GFM2: variants seen among roughly 807,000 people sequenced by gnomAD.
The protein encoded by GFM2 is GTP dependent ribosome recycling factor mitochondrial 2, also known as ribosome-releasing factor 2, mitochondrial.
A neutral mutation model predicts 95.4 loss-of-function variants in GFM2; 72 were observed. That is an observed-to-expected ratio of 0.76 (90% confidence interval 0.62 to 0.92). The LOEUF is 0.92. GFM2 is among the 40% of genes least tolerant of loss of function. GFM2 has a pLI of 0.00. For missense variants in GFM2, 825 were observed against 924.1 expected (o/e 0.89, Z 1.39); for synonymous variants, 276 against 317.5 (o/e 0.87, Z 1.39).
rs1750127574 is a variant in GFM2 at position 74,725,966 on chromosome 5, A to AT, written c.1886dup (p.Asn629LysfsTer54). 1.2e-6 allele frequency: 2 copies of AT among 1,611,100 alleles called. No homozygotes were observed. The highest frequency in any genetic ancestry group is 2.7e-5 in the African/African-American group (2 of 74,624). On this transcript the variant is annotated frameshift_variant, in exon 18 of 21. Coordinates refer to ENST00000296805, the MANE Select transcript of GFM2 (RefSeq NM_032380.5). LOFTEE classifies it high-confidence loss of function. Reference sequence around the variant, plus strand: ...CTTGGAGACATGCGCTGTGAATTCCATTTTCAATGGCCTCTTGGGAGACCT... The same window carrying AT: ...CTTGGAGACATGCGCTGTGAATTCCATTTTTCAATGGCCTCTTGGGAGACCT...
intron 11 of GFM2, among the ~76,000 whole-genome samples, chr5:74,740,370 T>C (rs183665601): frequency 5.4e-4 from 83 of 152,300 alleles, no homozygotes; most frequent in Non-Finnish European, 9.4e-4. Context: ...CCCCTGGAAA[T>C]ACTGCTAAAT....
chr5:74,722,722 G>T, intron 19 of GFM2, 161 bp from the exon 20 acceptor site: 1 of 567,322 alleles, frequency 1.8e-6, no homozygotes, highest in Non-Finnish European at 3.0e-6. Context: ...TGTATAATAA[G>T]CATGATAACA....
chr5:74,740,008 C>A lies in GFM2; in HGVS notation c.1060G>T (p.Glu354Ter). 6.4e-7 allele frequency: 1 copy of A among 1,564,548 alleles called. No homozygotes were observed. Among genetic ancestry groups the A allele is most frequent in the East Asian group, 2.3e-5 (1 of 42,948 alleles). The stretch of plus-strand genomic sequence containing the variant: ...ACTTACAGAAATTCATAGTTACGCT[C>A]TTCAGGTGAAGGTAAGTACATAGTA... ...AVTMYLPSPE[E>*]RNYEFLQWYK... Residue 354 changes from glutamate (E) to a stop codon, truncating the protein, a stop_gained, in exon 12 of 21, where the codon GAG becomes TAG. Coordinates refer to ENST00000296805, the MANE Select transcript of GFM2 (RefSeq NM_032380.5). LOFTEE classifies it high-confidence loss of function.
chr5:74,760,399 T>A (rs867990501), intron 3 of GFM2, among the ~76,000 whole-genome samples: 6 of 152,272 alleles, frequency 3.9e-5, no homozygotes, highest in Middle Eastern at 6.8e-3. Flanking sequence ...GAGTCTACCA[T>A]ACACTTGCTT....
intron 5 of GFM2, among the ~76,000 whole-genome samples, chr5:74,753,017 C>G (rs549153385): frequency 6.6e-6 from 1 of 152,046 alleles, no homozygotes. Context: ...TCCCCCCCAC[C>G]AAAAATCACA....
chr5:74,756,697 T>C (rs1303026501), intron 5 of GFM2, among the ~76,000 whole-genome samples: 1 of 151,876 alleles, frequency 6.6e-6, no homozygotes, highest in Admixed American at 6.6e-5. Flanking sequence ...ATACACACCA[T>C]GGAATACTAC....
chr5:74,762,036 A>G (rs1031362423), intron 2 of GFM2, among the ~76,000 whole-genome samples: 1 of 152,232 alleles, frequency 6.6e-6, no homozygotes, highest in Non-Finnish European at 1.5e-5. Context: ...AGCGTCAGCA[A>G]TAAAAGCACT....
In GFM2 at chr5:74,721,656, T is replaced by C; in HGVS notation, c.2339A>G (p.Ter780=). ...TLLNRRSGLT[*] ...ATTTCTCTCCAAAAACTAAAACATT[T>C]AGGTCAAACCACTTCTCCGGTTGAG... The change falls in exon 21 of 21, where the codon TAA becomes TGA. Residue 780 remains the stop codon, a stop_retained_variant. Transcript: ENST00000296805. The C allele has an allele frequency of 6.2e-7, 1 of 1,610,078 alleles. No individual in the cohort carries two copies. The highest frequency in any genetic ancestry group is 8.5e-7 in the Non-Finnish European group (1 of 1,179,168).
intron 10 of GFM2, 71 bp downstream of exon 10, chr5:74,745,607 T>C (rs1358800641): frequency 1.2e-4 from 158 of 1,319,434 alleles, no homozygotes; most frequent in Non-Finnish European, 1.6e-4. Flanking sequence ...CGAGAGATGC[T>C]AAAGTATGAC....
intron 5 of GFM2, among the ~76,000 whole-genome samples, chr5:74,758,643 T>C (rs1161523536): frequency 6.6e-6 from 1 of 152,214 alleles, no homozygotes. Context: ...CAGTGGGGCC[T>C]ATGATAGTCT....
chr5:74,721,488 G>A lies in GFM2; in HGVS notation c.*167C>T, dbSNP rs909203202. 3.9e-5 allele frequency: 30 copies of A among 768,386 alleles called. No homozygotes were observed. The highest frequency in any genetic ancestry group is 5.0e-5 in the East Asian group (2 of 39,830). The allele number at this position is 768,386 out of a possible 1,614,324, so 47.6% of individuals were successfully genotyped here. On this transcript the variant is annotated 3_prime_UTR_variant, in exon 21 of 21. Transcript: ENST00000296805. ...CATTTCTCATTATATAAATTAAAAC[G>A]GGTGGCTCCAGTGCCACTATCAAAG... is the stretch of plus-strand genomic sequence containing the variant.
chr5:74,747,520 T>C (rs1030571819), intron 8 of GFM2, among the ~76,000 whole-genome samples, 172 bp downstream of exon 8: 4 of 152,210 alleles, frequency 2.6e-5, no homozygotes, highest in Non-Finnish European at 4.4e-5. Context: ...ATATAACCTA[T>C]GGATTAGCTG....
intron 5 of GFM2, 31 bp from the exon 6 acceptor site, chr5:74,751,524 C>T (rs1219657852): frequency 1.0e-5 from 16 of 1,562,566 alleles, no homozygotes; most frequent in Non-Finnish European, 1.4e-5. Context: ...ACAGTTTAGT[C>T]TTAATAGCAA....
At chr5:74,742,361 G>C (rs139120037) in intron 10 of GFM2, among the ~76,000 whole-genome samples, 2,073 of 151,852 alleles carry the variant, frequency 0.014, 11 homozygotes, top group Admixed American at 0.021. Context: ...TCAGCTTCTG[G>C]AATCAGACTA....
rs2112304748 is a variant in GFM2, at chr5:74,747,678, C to T, written c.608+14G>A. On this transcript the variant is annotated intron_variant, in intron 8 of 20. Transcript: ENST00000296805. ...GTTTCACCCTGATAAGCCAATGAAA[C>T]ACATTTCAAATACCTTGCTCCAGTT... 1 of 1,521,806 alleles carries T rather than the reference C, an allele frequency of 6.6e-7. No individual in the cohort carries two copies. The highest frequency in any genetic ancestry group is 9.1e-7 in the Non-Finnish European group (1 of 1,098,894). The allele number at this position is 1,521,806 out of a possible 1,614,324, so 94.3% of individuals were successfully genotyped here.
In GFM2 at chr5:74,738,590, T is replaced by G; in HGVS notation, c.1132A>C (p.Lys378Gln). ...CALAFKVLHDKQRGPLVFMRI... is the reference protein window; with the variant it reads ...CALAFKVLHDQQRGPLVFMRI... ...ATAAAAACCAGTGGTCCTCGCTGCTTGTCATGGAGAACTTTAAATGCCAAT... is the reference window on the plus strand; with the variant it reads ...ATAAAAACCAGTGGTCCTCGCTGCTGGTCATGGAGAACTTTAAATGCCAAT... Residue 378 changes from lysine to glutamine, a missense_variant, in exon 13 of 21, where the codon AAG (lysine) becomes CAG (glutamine). Transcript: ENST00000296805. The G allele has an allele frequency of 6.2e-7, 1 of 1,613,728 alleles. No individual in the cohort carries two copies. The highest frequency in any genetic ancestry group is 8.5e-7 in the Non-Finnish European group (1 of 1,179,744).
chr5:74,734,783 A>G (rs1038949240), intron 15 of GFM2, among the ~76,000 whole-genome samples: 5 of 151,988 alleles, frequency 3.3e-5, no homozygotes, highest in Non-Finnish European at 7.4e-5. Context: ...AAAAAGAAAC[A>G]TGTAGATCTG....
intron 15 of GFM2, among the ~76,000 whole-genome samples, chr5:74,735,257 G>C (rs1024803975): frequency 6.6e-6 from 1 of 152,202 alleles, no homozygotes; most frequent in African/African-American, 2.4e-5. Flanking sequence ...CCTTCAGCAA[G>C]TGGACACAAA....
At position 74,722,303 on chromosome 5, in the gene GFM2, C is replaced by CTGAT. The variant is rs569969133; in HGVS notation, c.2211+72_2211+75dup. On this transcript the variant is annotated intron_variant, in intron 20 of 20. Transcript: ENST00000296805. ...AAGCCTTAATGTTTCTTTCAGGTTA[C>CTGAT]TGATTGTCTATTCATTGGCATATAA... is the stretch of plus-strand genomic sequence containing the variant. The CTGAT allele has an allele frequency of 3.0e-3, 3,379 of 1,142,626 alleles. 11 individuals are homozygous for CTGAT. Among genetic ancestry groups the CTGAT allele is most frequent in the Non-Finnish European group, 3.5e-3 (2,769 of 789,524 alleles). 70.8% of individuals were successfully genotyped at this position (1,142,626 alleles called of 1,614,324 possible).
Sources: allele counts gnomAD v4.1 joint callset (sites outside exome capture counted in the v4.1 genomes callset), GRCh38; gene constraint gnomAD v4.1.1; transcripts MANE v1.5; gene names NCBI Gene and HGNC (gene_info 2026-07-23, HGNC 2026-07-21).